The following GABRB1 variants were observed in gnomAD, a reference collection of about 807,000 sequenced individuals.
GABRB1 encodes the protein gamma-aminobutyric acid receptor subunit beta-1.
A neutral mutation model predicts 51.6 loss-of-function variants in GABRB1; 17 were observed. The observed-to-expected ratio is 0.33, with a 90% CI of 0.23 to 0.49. GABRB1 has a LOEUF of 0.49. GABRB1 is among the 20% of genes least tolerant of loss of function. GABRB1 has a pLI of 0.99. For missense variants in GABRB1, 410 were observed against 600.6 expected (o/e 0.68, Z 3.32); for synonymous variants, 247 against 218.9 (o/e 1.13, Z -1.14).
chr4:47,165,917 G>A (rs773346247), intron 4 of GABRB1, among the ~76,000 whole-genome samples: 12 of 152,092 alleles, frequency 7.9e-5, no homozygotes, highest in African/African-American at 1.7e-4. Flanking sequence ...GTAATTCCAC[G>A]TCTCTTTTGT....
intron 4 of GABRB1, among the ~76,000 whole-genome samples, chr4:47,241,710 G>A (rs1721528127): frequency 6.6e-6 from 1 of 151,968 alleles, no homozygotes; most frequent in African/African-American, 2.4e-5. Flanking sequence ...TCAGCCTATG[G>A]AATGTGAATC....
At chr4:47,204,062 G>T (rs1720014962) in intron 4 of GABRB1, among the ~76,000 whole-genome samples, 1 of 152,160 alleles carries the variant, frequency 6.6e-6, no homozygotes, top group Admixed American at 6.6e-5. Context: ...ATAAAAAACT[G>T]AATTTGGCCT....
chr4:47,269,150 A>C (rs1722757809), intron 4 of GABRB1, among the ~76,000 whole-genome samples: 1 of 152,140 alleles, frequency 6.6e-6, no homozygotes, highest in African/African-American at 2.4e-5. Context: ...ATTCATTTGC[A>C]TCAGTCAATT....
At chr4:47,115,030 T>A (rs1164282645) in intron 3 of GABRB1, among the ~76,000 whole-genome samples, 5 of 152,206 alleles carry the variant, frequency 3.3e-5, no homozygotes, top group African/African-American at 4.8e-5. Context: ...AAGATTATAG[T>A]TCCCGTTCTC....
chr4:47,005,088 C>T (rs948420753), intron 1 of GABRB1, among the ~76,000 whole-genome samples: 48 of 152,206 alleles, frequency 3.2e-4, no homozygotes, highest in African/African-American at 1.1e-3. Flanking sequence ...GTTAATGTCC[C>T]AGATGCAGAA....
chr4:47,146,571 A>C (rs1482580644), intron 3 of GABRB1, among the ~76,000 whole-genome samples: 1 of 152,054 alleles, frequency 6.6e-6, no homozygotes, highest in African/African-American at 2.4e-5. Context: ...TTCCCCAATA[A>C]TGACATGAGA....
chr4:47,291,828 C>A (rs182532899), intron 4 of GABRB1, among the ~76,000 whole-genome samples: 15 of 152,308 alleles, frequency 9.8e-5, no homozygotes, highest in African/African-American at 3.4e-4. Context: ...CTGTACCCCC[C>A]ACTGTATCTA....
intron 4 of GABRB1, among the ~76,000 whole-genome samples, chr4:47,312,146 C>T (rs531425674): frequency 1.2e-4 from 18 of 151,830 alleles, no homozygotes; most frequent in African/African-American, 3.6e-4. Context: ...ATGATTGCAC[C>T]GCAAAAATTT....
intron 5 of GABRB1, among the ~76,000 whole-genome samples, chr4:47,359,488 G>A (rs112020610): frequency 0.013 from 1,946 of 152,038 alleles, 34 homozygotes; most frequent in African/African-American, 0.038. Flanking sequence ...GCTTCCCAAC[G>A]TGCCTAATAA....
intron 3 of GABRB1, among the ~76,000 whole-genome samples, chr4:47,059,961 C>A (rs897515250): frequency 2.5e-4 from 38 of 152,164 alleles, no homozygotes; most frequent in Admixed American, 5.9e-4. Context: ...GCCATTATTT[C>A]TAATTTCTGT....
At chr4:47,225,804 A>T (rs1036531005) in intron 4 of GABRB1, among the ~76,000 whole-genome samples, 2 of 152,206 alleles carry the variant, frequency 1.3e-5, no homozygotes, top group Non-Finnish European at 2.9e-5. Context: ...TTAATAGTTC[A>T]TGCCAACTTT....
chr4:47,031,524 G>A, upstream of GABRB1: 2 of 722,276 alleles, frequency 2.8e-6, no homozygotes, highest in East Asian at 2.5e-5. Context: ...CAAGGCACAA[G>A]GTGTCTTTTG....
intron 3 of GABRB1, among the ~76,000 whole-genome samples, chr4:47,094,410 A>G (rs1442667188): frequency 6.6e-6 from 1 of 151,606 alleles, no homozygotes; most frequent in Non-Finnish European, 1.5e-5. Flanking sequence ...TTTTCACTAG[A>G]GATGGGGTTT....
At chr4:47,251,010 T>G (rs988116980) in intron 4 of GABRB1, among the ~76,000 whole-genome samples, 2 of 151,468 alleles carry the variant, frequency 1.3e-5, no homozygotes, top group African/African-American at 2.4e-5. Context: ...CTTGGGGGGG[T>G]GTTAAAGAGT....
intron 3 of GABRB1, among the ~76,000 whole-genome samples, chr4:47,121,209 A>G (rs1484059434): frequency 6.6e-6 from 1 of 152,122 alleles, no homozygotes; most frequent in Non-Finnish European, 1.5e-5. Context: ...CTCCATGTCC[A>G]TGTGTGTTGG....
At chr4:47,345,486 G>A (rs17461709) in intron 5 of GABRB1, among the ~76,000 whole-genome samples, 41,688 of 152,102 alleles carry the variant, frequency 0.27, 6,581 homozygotes, top group Middle Eastern at 0.39. Context: ...ACTAGGCAAA[G>A]AGGAGTTGAA....
intron 4 of GABRB1, among the ~76,000 whole-genome samples, chr4:47,171,888 C>A (rs959369271): frequency 6.6e-6 from 1 of 152,028 alleles, no homozygotes; most frequent in Non-Finnish European, 1.5e-5. Context: ...TAGTATGTAT[C>A]CCAGATTGTG....
chr4:47,266,624 A>G (rs1722653250), intron 4 of GABRB1, among the ~76,000 whole-genome samples: 1 of 152,072 alleles, frequency 6.6e-6, no homozygotes, highest in Non-Finnish European at 1.5e-5. Context: ...ACTTTATTTC[A>G]CTGTGGTCTG....
chr4:47,135,322 G>C (rs1036994162), intron 3 of GABRB1, among the ~76,000 whole-genome samples: 1 of 152,162 alleles, frequency 6.6e-6, no homozygotes, highest in Admixed American at 6.5e-5. Flanking sequence ...AGTTTGATAA[G>C]AGGATATAAA....
Sources: gnomAD v4.1 joint callset for allele counts (sites outside exome capture counted in the v4.1 genomes callset) on GRCh38, gnomAD v4.1.1 for gene constraint, MANE v1.5 for transcripts, NCBI Gene and HGNC (gene_info 2026-07-23, HGNC 2026-07-21) for gene names.